RBM47: variants seen among roughly 807,000 people sequenced by gnomAD.
The protein encoded by RBM47 is RNA binding motif protein 47.
A neutral mutation model predicts 47.1 loss-of-function variants in RBM47; 21 were observed. The observed-to-expected ratio is 0.45, with a 90% CI of 0.32 to 0.64. RBM47 has a LOEUF of 0.64. RBM47 is among the 30% of genes least tolerant of loss of function. The pLI, the probability that RBM47 is intolerant of heterozygous loss-of-function variation, is 0.05. For synonymous variants in RBM47, 375 were observed against 361.7 expected, an observed-to-expected ratio of 1.04 and a Z score of -0.42; for missense variants, 708 against 870.9, an observed-to-expected ratio of 0.81 and a Z score of 2.35.
At chr4:40,583,371 G>A (rs1327404720) in intron 1 of RBM47, among the ~76,000 whole-genome samples, 4 of 120,012 alleles carry the variant, frequency 3.3e-5, no homozygotes, top group Admixed American at 1.1e-4. Context: ...CCGAGATCAC[G>A]CCACTACTCC....
chr4:40,429,073 C>A (rs1269902300), intron 6 of RBM47, among the ~76,000 whole-genome samples: 1 of 152,154 alleles, frequency 6.6e-6, no homozygotes, highest in East Asian at 1.9e-4. Context: ...CCCTCTCCAT[C>A]CTGCCCGGGA....
intron 3 of RBM47, among the ~76,000 whole-genome samples, chr4:40,441,226 C>A (rs1713596306): frequency 6.7e-6 from 1 of 149,144 alleles, no homozygotes; most frequent in Non-Finnish European, 1.5e-5. Context: ...GAGTTTGAAA[C>A]CTGCCTGGGC....
intron 1 of RBM47, among the ~76,000 whole-genome samples, chr4:40,618,962 C>A (rs1177973094): frequency 6.6e-6 from 1 of 152,054 alleles, no homozygotes; most frequent in Non-Finnish European, 1.5e-5. Flanking sequence ...TCACAGCCAG[C>A]AACACAGATC....
At chr4:40,463,807 G>T (rs1379855170) in intron 3 of RBM47, among the ~76,000 whole-genome samples, 1 of 151,646 alleles carries the variant, frequency 6.6e-6, no homozygotes, top group African/African-American at 2.4e-5. Flanking sequence ...AATATTTTTT[G>T]AGTATCTATA....
chr4:40,575,043 C>T (rs1200216212), intron 1 of RBM47, among the ~76,000 whole-genome samples: 4 of 152,140 alleles, frequency 2.6e-5, no homozygotes, highest in Non-Finnish European at 5.9e-5. Context: ...TCTGGCAACG[C>T]ATGAAGACAT....
intron 2 of RBM47, among the ~76,000 whole-genome samples, chr4:40,478,009 CTTTTTT>C (rs1194806938): frequency 3.5e-5 from 3 of 86,412 alleles, no homozygotes; most frequent in South Asian, 4.2e-4. Flanking sequence ...GTGGCATGTT[CTTTTTT>C]TTTTTTTTTT....
In RBM47 at chr4:40,425,712, G is replaced by T; in HGVS notation, c.*192C>A. The T allele has an allele frequency of 1.3e-6, 1 of 766,302 alleles. No homozygotes were observed. The allele number at this position is 766,302 out of a possible 1,614,324, so 47.5% of individuals were successfully genotyped here. ...AGTCTTTTGGAAATGTATGAACGTA[G>T]GCATGCTAAGTTGAAAATAGTCTTA... On this transcript the variant is annotated 3_prime_UTR_variant, in exon 7 of 7. Coordinates refer to ENST00000295971, the MANE Select transcript of RBM47 (RefSeq NM_001098634.2).
At chr4:40,504,757 T>C (rs1365967757) in intron 2 of RBM47, among the ~76,000 whole-genome samples, 1 of 152,236 alleles carries the variant, frequency 6.6e-6, no homozygotes, top group Non-Finnish European at 1.5e-5. Context: ...TTATTTGTGC[T>C]GAAAGTCCCA....
chr4:40,559,580 C>T (rs574803843), intron 1 of RBM47, among the ~76,000 whole-genome samples: 3 of 152,238 alleles, frequency 2.0e-5, no homozygotes, highest in East Asian at 3.9e-4. Flanking sequence ...ATAAAAGATT[C>T]TATCTTTGTT....
intron 1 of RBM47, among the ~76,000 whole-genome samples, chr4:40,550,075 A>C (rs1186130761): frequency 1.3e-5 from 2 of 152,216 alleles, no homozygotes; most frequent in African/African-American, 4.8e-5. Flanking sequence ...GCCAGAGGAT[A>C]ACCACCACCA....
intron 1 of RBM47, among the ~76,000 whole-genome samples, chr4:40,590,122 G>A (rs1733989533): frequency 6.6e-6 from 1 of 152,176 alleles, no homozygotes; most frequent in African/African-American, 2.4e-5. Flanking sequence ...CCAGATCGGG[G>A]AATAGGCCAG....
intron 2 of RBM47, chr4:40,543,296 T>C (rs1432813364): frequency 6.6e-6 from 1 of 152,142 alleles, no homozygotes; most frequent in East Asian, 1.9e-4. Context: ...AGTGTTTTCA[T>C]TGCAAACTCC....
intron 1 of RBM47, among the ~76,000 whole-genome samples, chr4:40,621,007 CAA>C (rs11297434): frequency 0.037 from 5,398 of 144,024 alleles, 354 homozygotes; most frequent in African/African-American, 0.13. Context: ...AGGAAACAAA[CAA>C]AAAAAAAAAA....
intron 2 of RBM47, 170 bp downstream of exon 2, chr4:40,544,252 T>C (rs148704032): frequency 2.6e-5 from 4 of 152,324 alleles, no homozygotes; most frequent in African/African-American, 9.6e-5. Context: ...TACAGGGCAC[T>C]CTGGCCTAGT....
chr4:40,484,818 C>T (rs1477618168), intron 2 of RBM47, among the ~76,000 whole-genome samples: 1 of 152,168 alleles, frequency 6.6e-6, no homozygotes, highest in Admixed American at 6.6e-5. Flanking sequence ...CTCAACACAA[C>T]TTTACTCACT....
intron 1 of RBM47, among the ~76,000 whole-genome samples, chr4:40,587,347 T>C (rs116543844): frequency 0.012 from 1,761 of 152,038 alleles, 39 homozygotes; most frequent in African/African-American, 0.036. Flanking sequence ...GGGGCAGGGA[T>C]GGGGGTTAAC....
At chr4:40,594,083 G>C (rs1734534597) in intron 1 of RBM47, among the ~76,000 whole-genome samples, 4 of 151,786 alleles carry the variant, frequency 2.6e-5, no homozygotes. Flanking sequence ...AAGAAAGAAA[G>C]AAAAGAAAAT....
At position 40,432,650 on chromosome 4, in the gene RBM47, C is replaced by A; in HGVS notation, c.1542+1G>T. 6.2e-7 allele frequency: 1 copy of A among 1,610,182 alleles called. No individual in the cohort carries two copies. Among genetic ancestry groups the A allele is most frequent in the Non-Finnish European group, 8.5e-7 (1 of 1,179,394 alleles). On this transcript the variant is annotated splice_donor_variant, in intron 6 of 6. Transcript: ENST00000295971. LOFTEE classifies it high-confidence loss of function. ...GACAATGCCTGCAATAAGAACTCTA[C>A]CTGGAAAGGTGGTGGCGTCGACACA...
At chr4:40,440,436 G>A (rs1477631472) in intron 3 of RBM47, among the ~76,000 whole-genome samples, 3 of 152,116 alleles carry the variant, frequency 2.0e-5, no homozygotes, top group Non-Finnish European at 4.4e-5. Context: ...TTAGAACCCG[G>A]AGTATCATTC....
Sources: gnomAD v4.1 joint callset for allele counts (sites outside exome capture counted in the v4.1 genomes callset) on GRCh38, gnomAD v4.1.1 for gene constraint, MANE v1.5 for transcripts, NCBI Gene and HGNC (gene_info 2026-07-23, HGNC 2026-07-21) for gene names.